Variants in PLD5 observed in about 807,000 individuals in gnomAD.
PLD5 encodes the protein inactive phospholipase D5.
In PLD5, 36 loss-of-function variants were observed where a neutral mutation model predicts 61.1. The observed-to-expected ratio is 0.59, with a 90% CI of 0.45 to 0.78. The LOEUF is 0.78. PLD5 is among the 30% of genes least tolerant of loss of function. PLD5 has a pLI of 0.00. For missense variants in PLD5, 515 were observed against 644.4 expected, an observed-to-expected ratio of 0.80 and a Z score of 2.17; for synonymous variants, 243 against 242.8, an observed-to-expected ratio of 1.00 and a Z score of -0.01.
chr1:242,268,447 A>C (rs1673846596), intron 3 of PLD5, among the ~76,000 whole-genome samples: 1 of 152,176 alleles, frequency 6.6e-6, no homozygotes, highest in Non-Finnish European at 1.5e-5. Flanking sequence ...TCTGTGACTT[A>C]AATTGATTTC....
At chr1:242,166,915 C>A (rs1035101060) in intron 5 of PLD5, among the ~76,000 whole-genome samples, 4 of 151,898 alleles carry the variant, frequency 2.6e-5, no homozygotes, top group Non-Finnish European at 2.9e-5. Context: ...CTTCAATGTC[C>A]ATTGAATTGA....
At chr1:242,445,471 A>G (rs1666487952) in intron 1 of PLD5, among the ~76,000 whole-genome samples, 1 of 152,112 alleles carries the variant, frequency 6.6e-6, no homozygotes, top group Non-Finnish European at 1.5e-5. Flanking sequence ...CCTCCCGAGT[A>G]GCTGTGATTA....
chr1:242,525,624 C>A (rs1017422695), upstream of PLD5, among the ~76,000 whole-genome samples: 6 of 152,116 alleles, frequency 3.9e-5, no homozygotes, highest in Admixed American at 1.3e-4. Flanking sequence ...CAGGGTGTCT[C>A]GTGTCTGGTT....
At chr1:242,175,497 G>C (rs972905312) in intron 5 of PLD5, among the ~76,000 whole-genome samples, 1 of 152,098 alleles carries the variant, frequency 6.6e-6, no homozygotes, top group African/African-American at 2.4e-5. Flanking sequence ...ATATCATCTG[G>C]AATGGGCAAA....
chr1:242,265,245 A>G, intron 4 of PLD5, 92 bp downstream of exon 4: 2 of 1,449,692 alleles, frequency 1.4e-6, no homozygotes, highest in Non-Finnish European at 1.8e-6. Context: ...AAATGTACTA[A>G]CCATAAAGAA....
intron 2 of PLD5, among the ~76,000 whole-genome samples, chr1:242,333,414 A>C (rs1659309918): frequency 6.6e-6 from 1 of 152,088 alleles, no homozygotes; most frequent in African/African-American, 2.4e-5. Flanking sequence ...AACAGTCAGC[A>C]ATGCATTCGC....
intron 1 of PLD5, among the ~76,000 whole-genome samples, chr1:242,458,785 T>C (rs1208151119): frequency 1.3e-5 from 2 of 152,242 alleles, no homozygotes; most frequent in Non-Finnish European, 2.9e-5. Flanking sequence ...AATATCATAG[T>C]ATTTTAATAG....
upstream of PLD5, among the ~76,000 whole-genome samples, chr1:242,525,519 C>G (rs1669424826): frequency 6.6e-6 from 1 of 152,234 alleles, no homozygotes; most frequent in Non-Finnish European, 1.5e-5. Flanking sequence ...GGCTTGTTCG[C>G]GATTAAATCT....
rs1659426972 is a variant in PLD5, at chr1:242,085,951, T to G, written c.*3903A>C. 6.6e-6 allele frequency: 1 copy of G among 152,124 alleles called. No homozygotes were observed. 9.4% of individuals were successfully genotyped at this position (152,124 alleles called of 1,614,324 possible). On this transcript the variant is annotated 3_prime_UTR_variant, in exon 10 of 10. Coordinates refer to ENST00000536534, the MANE Select transcript of PLD5 (RefSeq NM_001372062.1). ...TGGATCTGATCTTATCAAGAAATTC[T>G]TATGGTCTTTTCTCCCCCCTTGGAA... is the stretch of plus-strand genomic sequence containing the variant.
chr1:242,435,082 A>T (rs1370385358), intron 1 of PLD5, among the ~76,000 whole-genome samples: 1 of 151,914 alleles, frequency 6.6e-6, no homozygotes. Flanking sequence ...TAAGCTGTTC[A>T]TATTAAATTG....
At chr1:242,476,398 A>G (rs1191980309) in intron 1 of PLD5, among the ~76,000 whole-genome samples, 1 of 151,992 alleles carries the variant, frequency 6.6e-6, no homozygotes, top group Non-Finnish European at 1.5e-5. Flanking sequence ...CCCCAAATGG[A>G]GCGTTTAGTA....
intron 1 of PLD5, among the ~76,000 whole-genome samples, chr1:242,396,192 A>G (rs1457179750): frequency 1.3e-5 from 2 of 152,108 alleles, no homozygotes; most frequent in African/African-American, 4.8e-5. Context: ...AGCCTCTTCT[A>G]CACTATTCAT....
rs116594382 is a variant in PLD5 at position 242,113,749 on chromosome 1, T to C, written c.1070+141A>G. 6,141 of 1,057,730 alleles carry C rather than the reference T, an allele frequency of 5.8e-3. 213 individuals carry two copies. The African/African-American group carries it at 0.079, about 14-fold the overall frequency. The allele number at this position is 1,057,730 out of a possible 1,614,324, so 65.5% of individuals were successfully genotyped here. A position where few individuals can be genotyped will look rare whatever the true frequency, so the allele number is the denominator to read the frequency against. On this transcript the variant is annotated intron_variant, in intron 7 of 9. Coordinates refer to ENST00000536534, the MANE Select transcript of PLD5 (RefSeq NM_001372062.1). ...CCGTAATGAGTAAATTGCCAATGCA[T>C]GTTAAACAGCAATGAATGGTGTGCT...
intron 5 of PLD5, among the ~76,000 whole-genome samples, chr1:242,148,237 C>T (rs1286602875): frequency 1.6e-5 from 2 of 127,988 alleles, no homozygotes; most frequent in East Asian, 4.1e-4. Flanking sequence ...TATGTATATC[C>T]AATTGTTCTA....
In PLD5 at chr1:242,382,114, G is replaced by C. The variant is rs147303202; in HGVS notation, c.190-33872C>G. Among the ~76,000 whole-genome samples the C allele has an allele frequency of 3.8e-3, 469 of 122,644 alleles. 1 individual carries two copies. The highest frequency in any genetic ancestry group is 5.5e-3 in the Non-Finnish European group (326 of 59,466). 80.5% of individuals were successfully genotyped at this position (122,644 alleles called of 152,430 possible). On this transcript the variant is annotated intron_variant, in intron 1 of 9. Transcript: ENST00000536534. ...GGGTTTGACTCAGGCAACTGATAGC[G>C]GAGACTTTGACAGCAAAAAAAAAAA... is the stretch of plus-strand genomic sequence containing the variant.
intron 1 of PLD5, among the ~76,000 whole-genome samples, chr1:242,472,003 G>T (rs1277268115): frequency 1.3e-5 from 2 of 152,150 alleles, no homozygotes; most frequent in Non-Finnish European, 2.9e-5. Flanking sequence ...GGGACTCTGG[G>T]AGACCACCCT....
chr1:242,316,196 T>C (rs1657954148), intron 2 of PLD5, among the ~76,000 whole-genome samples: 1 of 152,242 alleles, frequency 6.6e-6, no homozygotes, highest in Admixed American at 6.5e-5. Flanking sequence ...CATTAGTATT[T>C]GAGCATTAAA....
intron 1 of PLD5, among the ~76,000 whole-genome samples, chr1:242,498,357 T>C (rs1438304071): frequency 6.6e-6 from 1 of 152,204 alleles, no homozygotes; most frequent in Non-Finnish European, 1.5e-5. Flanking sequence ...TTATTCCTCA[T>C]CCCATTACTC....
chr1:242,344,368 G>A (rs1296102284), intron 2 of PLD5, among the ~76,000 whole-genome samples: 2 of 152,208 alleles, frequency 1.3e-5, no homozygotes, highest in African/African-American at 2.4e-5. Context: ...AAACACAGTT[G>A]ATGGTGGGTG....
Sources: gnomAD v4.1 joint callset for allele counts (sites outside exome capture counted in the v4.1 genomes callset) on GRCh38, gnomAD v4.1.1 for gene constraint, MANE v1.5 for transcripts, NCBI Gene and HGNC (gene_info 2026-07-23, HGNC 2026-07-21) for gene names.